Variants in KCNT2 observed in about 807,000 individuals in gnomAD.
The protein encoded by KCNT2 is potassium sodium-activated channel subfamily T member 2, also known as potassium channel subfamily T member 2.
In KCNT2, 67 loss-of-function variants were observed where a neutral mutation model predicts 153.8. The observed-to-expected ratio is 0.44, with a 90% CI of 0.36 to 0.53. KCNT2 has a LOEUF of 0.53. Among genes scored for constraint, KCNT2 ranks in the 20% least tolerant of loss-of-function variants. KCNT2 has a pLI of 0.00. For missense variants in KCNT2, 975 were observed against 1,354.8 expected (o/e 0.72, Z 4.40); for synonymous variants, 500 against 458.8 (o/e 1.09, Z -1.15).
intron 1 of KCNT2, among the ~76,000 whole-genome samples, chr1:196,588,123 GC>G (rs2148993866): frequency 6.6e-6 from 1 of 152,060 alleles, no homozygotes; most frequent in Non-Finnish European, 1.5e-5. Flanking sequence ...AGACGGAGTG[GC>G]TTTTGAATAT....
chr1:196,362,543 T>C (rs987501286), intron 14 of KCNT2, among the ~76,000 whole-genome samples: 1 of 152,046 alleles, frequency 6.6e-6, no homozygotes, highest in Non-Finnish European at 1.5e-5. Flanking sequence ...TTCAAGGCAG[T>C]AAGAGAAAAA....
intron 1 of KCNT2, among the ~76,000 whole-genome samples, chr1:196,496,756 G>A (rs1294335679): frequency 2.6e-5 from 4 of 152,112 alleles, no homozygotes; most frequent in African/African-American, 4.8e-5. Context: ...CCACCTGGAC[G>A]GGACGCCATC....
chr1:196,279,837 T>A, intron 25 of KCNT2, among the ~76,000 whole-genome samples: 1 of 152,046 alleles, frequency 6.6e-6, no homozygotes, highest in East Asian at 1.9e-4. Context: ...AACTATAAAT[T>A]TGATCAGCAA....
chr1:196,447,189 CA>C (rs1311705720), intron 8 of KCNT2, among the ~76,000 whole-genome samples: 12 of 150,980 alleles, frequency 7.9e-5, no homozygotes, highest in African/African-American at 2.9e-4. Context: ...TTTATGTTAT[CA>C]AAAGAAAAAA....
intron 21 of KCNT2, among the ~76,000 whole-genome samples, chr1:196,312,977 T>C (rs1319447386): frequency 2.6e-5 from 4 of 151,450 alleles, no homozygotes; most frequent in African/African-American, 7.3e-5. Context: ...AGGTGGTGGG[T>C]AGAGAACCTA....
chr1:196,419,571 T>C (rs954699592), intron 12 of KCNT2, among the ~76,000 whole-genome samples: 2 of 151,778 alleles, frequency 1.3e-5, no homozygotes, highest in African/African-American at 4.8e-5. Flanking sequence ...ATTTTCTTAA[T>C]CCAGTCTATC....
At chr1:196,564,194 A>G (rs1046057045) in intron 1 of KCNT2, among the ~76,000 whole-genome samples, 1 of 151,844 alleles carries the variant, frequency 6.6e-6, no homozygotes, top group African/African-American at 2.4e-5. Flanking sequence ...ATCACATACT[A>G]AAATTAGTAG....
At chr1:196,305,163 T>C in intron 22 of KCNT2, 71 bp downstream of exon 22, 1 of 877,914 alleles carries the variant, frequency 1.1e-6, no homozygotes, top group Non-Finnish European at 1.9e-6. Context: ...GCATTTTTTT[T>C]ATATATTTAC....
chr1:196,264,164 T>C, intron 25 of KCNT2, among the ~76,000 whole-genome samples: 1 of 152,328 alleles, frequency 6.6e-6, no homozygotes, highest in East Asian at 1.9e-4. Context: ...AAAAATCTTA[T>C]GTTTTTGTTC....
At chr1:196,523,094 G>A (rs1653688063) in intron 1 of KCNT2, among the ~76,000 whole-genome samples, 1 of 152,184 alleles carries the variant, frequency 6.6e-6, no homozygotes, top group African/African-American at 2.4e-5. Flanking sequence ...GCGAAGGCCT[G>A]CAGCTTCACT....
chr1:196,348,870 A>G lies in KCNT2; in HGVS notation c.1404-6642T>C, dbSNP rs761403240. 4.7e-4 allele frequency among the ~76,000 whole-genome samples: 72 copies of G among 152,108 alleles called. 1 individual carries two copies. Among genetic ancestry groups the G allele is most frequent in the Middle Eastern group, 6.8e-3 (2 of 294 alleles). ...GAGAAACCCTGTCTCTACGAAAAAT[A>G]CAAAACAAAACAAAACAAAAAAAAT... On this transcript the variant is annotated intron_variant, in intron 14 of 27. Transcript: ENST00000294725.
At chr1:196,498,827 G>A (rs1434181635) in intron 1 of KCNT2, among the ~76,000 whole-genome samples, 1 of 152,050 alleles carries the variant, frequency 6.6e-6, no homozygotes, top group Non-Finnish European at 1.5e-5. Context: ...CTTTCCAAAT[G>A]TATCACATTA....
intron 12 of KCNT2, among the ~76,000 whole-genome samples, chr1:196,410,563 A>G (rs932749495): frequency 4.0e-5 from 6 of 150,548 alleles, no homozygotes; most frequent in Admixed American, 1.3e-4. Flanking sequence ...AACTTAAAGT[A>G]TAATAAAAAT....
intron 8 of KCNT2, among the ~76,000 whole-genome samples, chr1:196,435,550 C>G (rs1156290834): frequency 6.6e-6 from 1 of 151,478 alleles, no homozygotes; most frequent in Non-Finnish European, 1.5e-5. Context: ...ACATTTCATT[C>G]TGAAATGTCT....
chr1:196,305,393 AT>A, intron 21 of KCNT2, 48 bp from the exon 22 acceptor site: 1 of 997,198 alleles, frequency 1.0e-6, no homozygotes, highest in East Asian at 2.4e-5. Context: ...CCAATATGGT[AT>A]TTTTTATAAC....
At chr1:196,586,650 G>C (rs1662717239) in intron 1 of KCNT2, among the ~76,000 whole-genome samples, 4 of 151,710 alleles carry the variant, frequency 2.6e-5, no homozygotes. Flanking sequence ...TTTTCAGGAA[G>C]ACAAGTAGAA....
intron 14 of KCNT2, among the ~76,000 whole-genome samples, chr1:196,372,585 G>C (rs935422563): frequency 1.3e-5 from 2 of 151,764 alleles, no homozygotes; most frequent in African/African-American, 4.8e-5. Flanking sequence ...AATAAAAAAG[G>C]TTCTAATGGT....
chr1:196,507,780 T>C (rs1487831386), intron 1 of KCNT2, among the ~76,000 whole-genome samples: 1 of 152,108 alleles, frequency 6.6e-6, no homozygotes, highest in Admixed American at 6.6e-5. Flanking sequence ...GTCAATATAA[T>C]TTAAGTTGAT....
chr1:196,378,215 A>G (rs572190553), intron 13 of KCNT2, among the ~76,000 whole-genome samples: 32 of 152,278 alleles, frequency 2.1e-4, no homozygotes, highest in African/African-American at 7.0e-4. Flanking sequence ...CATACTATGG[A>G]CCAATGACTA....
Sources: allele counts gnomAD v4.1 joint callset (sites outside exome capture counted in the v4.1 genomes callset), GRCh38; gene constraint gnomAD v4.1.1; transcripts MANE v1.5; gene names NCBI Gene and HGNC (gene_info 2026-07-23, HGNC 2026-07-21).